Variants in HSPA12A observed in about 807,000 individuals in gnomAD.
HSPA12A encodes heat shock protein family A (Hsp70) member 12A, also known as heat shock 70 kDa protein 12A.
In HSPA12A, 28 loss-of-function variants were observed where a neutral mutation model predicts 69.2. That is an observed-to-expected ratio of 0.40 (90% CI 0.30 to 0.55). The LOEUF is 0.55. Ranked by LOEUF, HSPA12A falls within the 20% of genes least tolerant of loss-of-function variation. HSPA12A has a pLI of 0.38. For missense variants in HSPA12A, 686 were observed against 900.7 expected (o/e 0.76, Z 3.05); for synonymous variants, 345 against 370.5 (o/e 0.93, Z 0.79).
intron 2 of HSPA12A, among the ~76,000 whole-genome samples, chr10:116,775,711 G>A (rs1844321005): frequency 6.6e-6 from 1 of 152,160 alleles, no homozygotes; most frequent in African/African-American, 2.4e-5. Flanking sequence ...CTCAGGCCAG[G>A]GGGCCAGAGG....
chr10:116,767,913 A>G (rs1456668419), intron 2 of HSPA12A, among the ~76,000 whole-genome samples: 1 of 152,212 alleles, frequency 6.6e-6, no homozygotes, highest in Non-Finnish European at 1.5e-5. Flanking sequence ...TCTCAGAGGC[A>G]GGGCTACAAA....
rs554733742 is a variant in HSPA12A at position 116,703,164 on chromosome 10, G to A, written c.254+1987C>T. On this transcript the variant is annotated intron_variant, in intron 3 of 11. Transcript: ENST00000369209. ...CTGGTGGCAACTGAACACCAAGGGC[G>A]ATGCTGTCAACAGAGTTGGCTATAG... Among the ~76,000 whole-genome samples, 24 of 152,246 alleles carry A rather than the reference G, an allele frequency of 1.6e-4. No individual in the cohort carries two copies. The South Asian group carries it at 3.1e-3, about 20-fold the overall frequency.
intron 2 of HSPA12A, among the ~76,000 whole-genome samples, chr10:116,806,175 A>T (rs1341497930): frequency 2.0e-5 from 3 of 152,354 alleles, no homozygotes; most frequent in South Asian, 4.1e-4. Context: ...AGCACAGTGG[A>T]ATTCTACAGG....
chr10:116,782,417 G>A (rs1045257921), intron 2 of HSPA12A, among the ~76,000 whole-genome samples: 19 of 152,304 alleles, frequency 1.2e-4, no homozygotes, highest in Admixed American at 9.8e-4. Context: ...TGATAGCAGC[G>A]CTTTTTGTAA....
intron 1 of HSPA12A, among the ~76,000 whole-genome samples, chr10:116,709,612 G>A (rs376477777): frequency 1.3e-4 from 20 of 152,258 alleles, no homozygotes; most frequent in African/African-American, 4.1e-4. Context: ...GACAAATATT[G>A]TATCATTCCA....
intron 2 of HSPA12A, among the ~76,000 whole-genome samples, chr10:116,824,045 T>A (rs1845456492): frequency 6.6e-6 from 1 of 152,078 alleles, no homozygotes. Flanking sequence ...TAAAGAACTC[T>A]TACAAATCAA....
chr10:116,698,430 A>G (rs1040844119), intron 5 of HSPA12A: 4 of 432,682 alleles, frequency 9.2e-6, no homozygotes, highest in African/African-American at 5.9e-5. Context: ...GAATTGCCAA[A>G]CTGTTTTCCA....
At chr10:116,849,818 C>T, upstream of HSPA12A, 2 of 1,399,684 alleles carry the variant, frequency 1.4e-6, no homozygotes, top group Non-Finnish European at 1.9e-6. Context: ...TGCGCCTGCG[C>T]CTCAGAATCT....
At chr10:116,740,668 GTGTGTGTC>G (rs1435464306) in intron 1 of HSPA12A, among the ~76,000 whole-genome samples, 436 of 5,804 alleles carry the variant, frequency 0.075, 5 homozygotes, top group South Asian at 0.15. Context: ...GTGTGTGTGT[GTGTGTGTC>G]TGTGTGTGTG....
chr10:116,685,776 A>C (rs962471226), intron 6 of HSPA12A, among the ~76,000 whole-genome samples: 3 of 152,170 alleles, frequency 2.0e-5, no homozygotes, highest in Admixed American at 2.0e-4. Flanking sequence ...TGAGACTTTC[A>C]GTGCTAAAAC....
chr10:116,760,562 C>T (rs1273248082), intron 2 of HSPA12A, among the ~76,000 whole-genome samples: 1 of 152,218 alleles, frequency 6.6e-6, no homozygotes, highest in African/African-American at 2.4e-5. Flanking sequence ...CTCAAGACAT[C>T]CCACTGAACT....
At chr10:116,751,443 A>G (rs1851776137) in intron 2 of HSPA12A, among the ~76,000 whole-genome samples, 1 of 152,228 alleles carries the variant, frequency 6.6e-6, no homozygotes, top group Non-Finnish European at 1.5e-5. Flanking sequence ...ACTCCACAAT[A>G]TATCTGTTTT....
At chr10:116,707,414 A>AAGGCCC in intron 1 of HSPA12A, 129 bp from the exon 2 acceptor site, 1 of 720,308 alleles carries the variant, frequency 1.4e-6, no homozygotes, top group Non-Finnish European at 2.4e-6. Context: ...CGAAATGGGC[A>AAGGCCC]AGGCCCAGCC....
At chr10:116,705,343 CT>C (rs1850211320) in intron 2 of HSPA12A, 65 bp from the exon 3 acceptor site, 3 of 1,581,114 alleles carry the variant, frequency 1.9e-6, no homozygotes, top group Non-Finnish European at 1.7e-6. Flanking sequence ...GAAGACACCC[CT>C]GGGGGGTCTC....
At chr10:116,765,696 G>C (rs969773321) in intron 2 of HSPA12A, among the ~76,000 whole-genome samples, 3 of 152,112 alleles carry the variant, frequency 2.0e-5, no homozygotes, top group African/African-American at 7.2e-5. Flanking sequence ...GTGTGGGGCA[G>C]GACACACCCG....
chr10:116,797,884 G>A (rs747133753), intron 2 of HSPA12A, among the ~76,000 whole-genome samples: 17 of 152,236 alleles, frequency 1.1e-4, no homozygotes, highest in Non-Finnish European at 1.9e-4. Context: ...TGATGGTGGG[G>A]AAGGCTTCCC....
At chr10:116,812,454 A>AAAATAAAATAAAATAAAAT (rs201064862) in intron 2 of HSPA12A, among the ~76,000 whole-genome samples, 1 of 151,916 alleles carries the variant, frequency 6.6e-6, no homozygotes, top group Non-Finnish European at 1.5e-5. Context: ...CTCCATCTCA[A>AAAATAAAATAAAATAAAAT]AAATAAAATA....
intron 1 of HSPA12A, among the ~76,000 whole-genome samples, chr10:116,732,128 C>G (rs1383393212): frequency 1.3e-5 from 2 of 151,848 alleles, no homozygotes; most frequent in Non-Finnish European, 2.9e-5. Context: ...GTCAGGAGTT[C>G]GAGACCAGCC....
intron 1 of HSPA12A, among the ~76,000 whole-genome samples, chr10:116,732,801 G>A (rs995654303): frequency 5.9e-5 from 9 of 152,188 alleles, no homozygotes; most frequent in Non-Finnish European, 1.3e-4. Flanking sequence ...CTGAGTGACC[G>A]GGAGTGGCTG....
Sources: gnomAD v4.1 joint callset for allele counts (sites outside exome capture counted in the v4.1 genomes callset) on GRCh38, gnomAD v4.1.1 for gene constraint, MANE v1.5 for transcripts, NCBI Gene and HGNC (gene_info 2026-07-23, HGNC 2026-07-21) for gene names.